Variants in TGFBR3 observed in about 807,000 individuals in gnomAD.
The protein encoded by TGFBR3 is transforming growth factor beta receptor 3.
Under a neutral mutation model 87.9 loss-of-function variants are expected in TGFBR3, and 46 were observed. The observed-to-expected ratio is 0.52, with a 90% CI of 0.41 to 0.67. The LOEUF (loss-of-function observed/expected upper bound fraction) is 0.67, where lower values mean the gene tolerates loss of function less well. Ranked by LOEUF, TGFBR3 falls within the 30% of genes least tolerant of loss-of-function variation. The pLI, the probability that TGFBR3 is intolerant of heterozygous loss-of-function variation, is 0.00. For synonymous variants in TGFBR3, 381 were observed against 391.6 expected (o/e 0.97, Z 0.32); for missense variants, 866 against 1,041.9 (o/e 0.83, Z 2.32).
intron 2 of TGFBR3, among the ~76,000 whole-genome samples, chr1:91,842,876 T>C (rs980224296): frequency 2.0e-5 from 3 of 152,104 alleles, no homozygotes; most frequent in Admixed American, 6.5e-5. Context: ...AAACTGGGAC[T>C]CAAATCTCCA....
chr1:91,875,165 T>G (rs968731548), intron 1 of TGFBR3, among the ~76,000 whole-genome samples: 2 of 152,036 alleles, frequency 1.3e-5, no homozygotes, highest in Admixed American at 1.3e-4. Flanking sequence ...CTCTGGGGAA[T>G]CTGCCGAAGG....
chr1:91,792,837 T>G (rs1465622004), intron 3 of TGFBR3, among the ~76,000 whole-genome samples: 2 of 152,246 alleles, frequency 1.3e-5, no homozygotes, highest in Non-Finnish European at 2.9e-5. Context: ...AAGATAAATC[T>G]GATCTCTCAG....
rs1361950815 is a variant in TGFBR3, at chr1:91,681,206, T to C, written c.*2533A>G. On this transcript the variant is annotated 3_prime_UTR_variant, in exon 17 of 17. Coordinates refer to ENST00000212355, the MANE Select transcript of TGFBR3 (RefSeq NM_003243.5). ...TTAAAACTGTAAAGTGTGAAGCAAT[T>C]AGAAATACTGTAATGAGAAGCTAGG... The C allele has an allele frequency of 2.2e-6, 1 of 452,322 alleles. No individual in the cohort carries two copies. Among genetic ancestry groups the C allele is most frequent in the Non-Finnish European group, 4.4e-6 (1 of 225,938 alleles). 28.0% of individuals were successfully genotyped at this position (452,322 alleles called of 1,614,324 possible).
intron 1 of TGFBR3, among the ~76,000 whole-genome samples, chr1:91,903,164 C>A (rs1031731761): frequency 7.3e-5 from 11 of 150,940 alleles, no homozygotes; most frequent in Admixed American, 2.6e-4. Flanking sequence ...CATGGCGAAA[C>A]CCTGTCTCTA....
chr1:91,833,619 A>T (rs978487957), intron 2 of TGFBR3, among the ~76,000 whole-genome samples: 3 of 149,420 alleles, frequency 2.0e-5, no homozygotes, highest in Non-Finnish European at 4.5e-5. Flanking sequence ...AATAAAAATT[A>T]AAAAAAAAAT....
intron 2 of TGFBR3, among the ~76,000 whole-genome samples, chr1:91,840,521 A>G (rs556302366): frequency 1.0e-4 from 15 of 147,220 alleles, no homozygotes; most frequent in African/African-American, 3.8e-4. Flanking sequence ...TTGTAATATC[A>G]TGCATGATTT....
At chr1:91,802,422 G>A (rs936467525) in intron 2 of TGFBR3, among the ~76,000 whole-genome samples, 10 of 151,048 alleles carry the variant, frequency 6.6e-5, no homozygotes, top group Non-Finnish European at 8.8e-5. Context: ...GGGCAGTGAC[G>A]CGCTCTCAGC....
intron 14 of TGFBR3, among the ~76,000 whole-genome samples, chr1:91,702,713 T>C (rs1671663877): frequency 6.6e-6 from 1 of 152,040 alleles, no homozygotes; most frequent in Admixed American, 6.6e-5. Context: ...TCTATTTTTG[T>C]ATATATTTGA....
intron 16 of TGFBR3, among the ~76,000 whole-genome samples, chr1:91,693,101 C>A (rs1341136313): frequency 6.6e-6 from 1 of 152,168 alleles, no homozygotes; most frequent in Non-Finnish European, 1.5e-5. Flanking sequence ...ACCCAGGTAA[C>A]AAACTGAAGG....
intron 3 of TGFBR3, among the ~76,000 whole-genome samples, chr1:91,787,943 G>GGAAAAAAAAAAAAAAAAAA (rs945269870): frequency 0.011 from 1,400 of 132,816 alleles, 52 homozygotes; most frequent in African/African-American, 0.029. Context: ...GTCTCACGGG[G>GGAAAAAAAAAAAAAAAAAA]AAAAAAAAAA....
intron 2 of TGFBR3, among the ~76,000 whole-genome samples, chr1:91,805,898 G>C (rs576812193): frequency 6.6e-6 from 1 of 152,332 alleles, no homozygotes; most frequent in East Asian, 1.9e-4. Flanking sequence ...TAGGGGATTT[G>C]AACCTGGGTC....
intron 2 of TGFBR3, among the ~76,000 whole-genome samples, chr1:91,818,417 C>T (rs1019813445): frequency 1.3e-5 from 2 of 151,500 alleles, no homozygotes; most frequent in African/African-American, 4.9e-5. Context: ...CATTCCAGCA[C>T]AGTTGTGGCT....
chr1:91,826,855 G>T lies in TGFBR3; in HGVS notation c.62-29384C>A, dbSNP rs556584325. Among the ~76,000 whole-genome samples the T allele has an allele frequency of 5.3e-5, 8 of 151,364 alleles. No individual in the cohort carries two copies. The East Asian group carries it at 1.6e-3, about 30-fold the overall frequency. On this transcript the variant is annotated intron_variant, in intron 2 of 16. Coordinates refer to ENST00000212355, the MANE Select transcript of TGFBR3 (RefSeq NM_003243.5). ...AGTTCCACGGGTCTCATTTCCTCCC[G>T]TCAGAGCCTAGCACTTAGTCAACCA...
intron 2 of TGFBR3, among the ~76,000 whole-genome samples, chr1:91,851,836 T>G (rs1677748634): frequency 6.6e-6 from 1 of 152,220 alleles, no homozygotes; most frequent in African/African-American, 2.4e-5. Context: ...GAAACCTCGA[T>G]TCTCTTGACT....
intron 2 of TGFBR3, 142 bp downstream of exon 2, chr1:91,861,329 G>A (rs972143880): frequency 1.4e-6 from 1 of 697,418 alleles, no homozygotes; most frequent in African/African-American, 1.8e-5. Flanking sequence ...AAGCCCAGGA[G>A]GTAGAGCCTA....
intron 14 of TGFBR3, among the ~76,000 whole-genome samples, chr1:91,706,855 A>G (rs1311800155): frequency 2.0e-5 from 3 of 152,194 alleles, no homozygotes; most frequent in Admixed American, 2.0e-4. Context: ...ATTACTCTGC[A>G]ACACAATTTA....
Position 91,716,338 on chromosome 1 carries a change from G to T in TGFBR3, c.1764C>A (p.His588Gln). 1 of 1,614,172 alleles carries T rather than the reference G, an allele frequency of 6.2e-7. No individual in the cohort carries two copies. Among genetic ancestry groups the T allele is most frequent in the South Asian group, 1.1e-5 (1 of 91,088 alleles). ...GCTCCATGTTGAAGGTGATGTTTCC[G>T]TGGGGCTGTTCCTGGAAGCTGCTGG... ...RNPSSFQEQPHGNITFNMELY... is the reference protein window; with the variant it reads ...RNPSSFQEQPQGNITFNMELY... The change falls in exon 12 of 17, where the codon CAC becomes CAA. Residue 588 changes from histidine to glutamine, a missense_variant. Physicochemically the swap from His to Gln is conservative, Grantham distance 24. Coordinates refer to ENST00000212355, the MANE Select transcript of TGFBR3 (RefSeq NM_003243.5).
chr1:91,754,249 A>G (rs1370604415), intron 4 of TGFBR3, among the ~76,000 whole-genome samples: 1 of 152,200 alleles, frequency 6.6e-6, no homozygotes, highest in Non-Finnish European at 1.5e-5. Context: ...TTCAGGCATC[A>G]TCACCCAGTT....
upstream of TGFBR3, among the ~76,000 whole-genome samples, chr1:91,887,236 C>CTTTTTTGTTTTTTTTTTTTTTTTT (rs1679347539): frequency 2.4e-5 from 1 of 41,408 alleles, no homozygotes; most frequent in Non-Finnish European, 4.0e-5. Context: ...GGACCTATGC[C>CTTTTTTGTTTTTTTTTTTTTTTTT]TTTTTTTTTT....
Sources: gnomAD v4.1 joint callset for allele counts (sites outside exome capture counted in the v4.1 genomes callset) on GRCh38, gnomAD v4.1.1 for gene constraint, MANE v1.5 for transcripts, NCBI Gene and HGNC (gene_info 2026-07-23, HGNC 2026-07-21) for gene names.